Variants in LHFPL5 observed in about 807,000 individuals in gnomAD.
LHFPL5 encodes the protein LHFPL tetraspan subfamily member 5 protein.
In LHFPL5, 12 loss-of-function variants were observed where a neutral mutation model predicts 18.7. The observed-to-expected ratio is 0.64, with a 90% CI of 0.41 to 1.04. LHFPL5 has a LOEUF of 1.04. Ranked by LOEUF, LHFPL5 falls within the 50% of genes least tolerant of loss-of-function variation. The probability of loss-of-function intolerance (pLI) is 0.00; values close to 1 mark genes in which losing one functional copy is unlikely to be tolerated. For missense variants in LHFPL5, 259 were observed against 292.1 expected (o/e 0.89, Z 0.83); for synonymous variants, 111 against 120.2 (o/e 0.92, Z 0.50).
At position 35,819,682 on chromosome 6, in the gene LHFPL5, C is replaced by CT. The variant is rs5875523; in HGVS notation, c.*16+231dup. The CT allele has an allele frequency of 0.024, 12,177 of 497,944 alleles. 98 individuals carry two copies. Among genetic ancestry groups the CT allele is most frequent in the African/African-American group, 0.068 (3,406 of 49,764 alleles). 30.8% of individuals were successfully genotyped at this position (497,944 alleles called of 1,614,324 possible). The stretch of plus-strand genomic sequence containing the variant: ...AGGAAGCCTTTAGTTTTACCTGTGT[C>CT]TTTTTTTTTTTTGAGATGGAATTTC... On this transcript the variant is annotated intron_variant, in intron 3 of 3. Coordinates refer to ENST00000360215, the MANE Select transcript of LHFPL5 (RefSeq NM_182548.4).
intron 1 of LHFPL5, chr6:35,811,407 TAC>T (rs1369340143): frequency 5.9e-5 from 9 of 152,266 alleles, no homozygotes; most frequent in African/African-American, 1.4e-4. Flanking sequence ...TCAGATACTT[TAC>T]AGACAACAGG....
intron 3 of LHFPL5, among the ~76,000 whole-genome samples, chr6:35,822,316 T>C (rs1768881337): frequency 6.6e-6 from 1 of 152,140 alleles, no homozygotes; most frequent in African/African-American, 2.4e-5. Context: ...CAACCACACC[T>C]CTCTGTTTGC....
intron 1 of LHFPL5, among the ~76,000 whole-genome samples, chr6:35,813,023 C>T (rs1037566878): frequency 2.6e-5 from 4 of 151,928 alleles, no homozygotes; most frequent in African/African-American, 9.7e-5. Context: ...CCACTGCACT[C>T]CAGCCTGGGC....
chr6:35,813,012 G>A (rs944258301), intron 1 of LHFPL5, among the ~76,000 whole-genome samples: 39 of 151,946 alleles, frequency 2.6e-4, no homozygotes, highest in African/African-American at 8.9e-4. Context: ...CCGAGATCGT[G>A]CCACTGCACT....
Position 35,807,573 on chromosome 6 carries a change from A to C in LHFPL5, c.412+1491A>C, listed in dbSNP as rs61216879. Reference sequence around the variant, plus strand: ...AAACCATCTCATTGGTCAGAATGAGAAGTGCTGTCATCTTTAAGAGGGAGA... The same window carrying C: ...AAACCATCTCATTGGTCAGAATGAGCAGTGCTGTCATCTTTAAGAGGGAGA... On this transcript the variant is annotated intron_variant, in intron 1 of 3. Transcript: ENST00000360215. Among the ~76,000 whole-genome samples the C allele has an allele frequency of 2.8e-3, 419 of 152,292 alleles. 1 individual carries two copies. The highest frequency in any genetic ancestry group is 9.5e-3 in the African/African-American group (396 of 41,562).
intron 1 of LHFPL5, among the ~76,000 whole-genome samples, chr6:35,811,735 A>G (rs1020693962): frequency 1.3e-5 from 2 of 152,218 alleles, no homozygotes; most frequent in Non-Finnish European, 2.9e-5. Context: ...GGGCCCTGCC[A>G]GGCACTGGAG....
At chr6:35,822,145 T>C (rs888439569) in intron 3 of LHFPL5, among the ~76,000 whole-genome samples, 1 of 152,050 alleles carries the variant, frequency 6.6e-6, no homozygotes, top group African/African-American at 2.4e-5. Context: ...TGCCTTAGCC[T>C]CCCAAAGTGT....
chr6:35,808,605 A>G (rs1383158808), intron 1 of LHFPL5, among the ~76,000 whole-genome samples: 5 of 120,550 alleles, frequency 4.1e-5, no homozygotes, highest in Non-Finnish European at 8.7e-5. Flanking sequence ...ATATATATAT[A>G]TGAACAAAGG....
chr6:35,816,830 A>G (rs1439585417), intron 2 of LHFPL5, among the ~76,000 whole-genome samples: 1 of 149,182 alleles, frequency 6.7e-6, no homozygotes, highest in East Asian at 2.0e-4. Context: ...AAAAAAAAAA[A>G]GGAAATAAAC....
In LHFPL5 at chr6:35,805,468, C is replaced by G; in HGVS notation, c.-203C>G. On this transcript the variant is annotated 5_prime_UTR_variant, in exon 1 of 4. Transcript: ENST00000360215. The surrounding 1 kb of genome is among the most constrained non-coding windows in gnomAD (Gnocchi z 4.3). ...CCTCGGCTAGAGCGGACACAGGCAC[C>G]TGGCAAGCTTTCCTTGACCAAATCA... The G allele has an allele frequency of 1.7e-6, 1 of 602,986 alleles. No homozygotes were observed. Among genetic ancestry groups the G allele is most frequent in the Non-Finnish European group, 3.0e-6 (1 of 337,954 alleles). The allele number at this position is 602,986 out of a possible 1,614,324, so 37.4% of individuals were successfully genotyped here.
At chr6:35,807,016 C>T (rs900398266) in intron 1 of LHFPL5, among the ~76,000 whole-genome samples, 5 of 152,026 alleles carry the variant, frequency 3.3e-5, no homozygotes, top group Admixed American at 6.6e-5. Context: ...TTTGTAGAGA[C>T]GGGGTTTTGT....
Position 35,814,401 on chromosome 6 carries a change from G to A in LHFPL5, c.413-145G>A. 2.6e-6 allele frequency: 2 copies of A among 776,532 alleles called. No homozygotes were observed. Among genetic ancestry groups the A allele is most frequent in the Non-Finnish European group, 4.6e-6 (2 of 430,496 alleles). 48.1% of individuals were successfully genotyped at this position (776,532 alleles called of 1,614,324 possible). On this transcript the variant is annotated intron_variant, in intron 1 of 3. Transcript: ENST00000360215. This position sits in a 1 kb window ranked among gnomAD's most constrained non-coding sequence, Gnocchi z 4.2. ...TTTCTCACCTGTGTTCTGCAAGAAG[G>A]ATGGTAGAGGCTGCCTCTCATGCCT...
At chr6:35,810,882 G>A (rs946269313) in intron 1 of LHFPL5, among the ~76,000 whole-genome samples, 2 of 151,648 alleles carry the variant, frequency 1.3e-5, no homozygotes, top group African/African-American at 4.8e-5. Context: ...CTATATCAGT[G>A]AGCATGAGAA....
chr6:35,823,709 T>C lies in LHFPL5; in HGVS notation c.*744T>C, dbSNP rs1015590679. ...AGGAAGTTTTATGAAGAGTGGGTGA[T>C]AGGATCTAAAATCTCTGCAGACTTT... On this transcript the variant is annotated 3_prime_UTR_variant, in exon 4 of 4. Coordinates refer to ENST00000360215, the MANE Select transcript of LHFPL5 (RefSeq NM_182548.4). The C allele has an allele frequency of 5.3e-5, 8 of 151,348 alleles. No homozygotes were observed. The highest frequency in any genetic ancestry group is 5.3e-4 in the Admixed American group (8 of 15,194). The allele number at this position is 151,348 out of a possible 1,614,324, so 9.4% of individuals were successfully genotyped here.
chr6:35,814,646 C>A lies in LHFPL5; in HGVS notation c.513C>A (p.Gly171=). The A allele has an allele frequency of 6.2e-7, 1 of 1,614,154 alleles. No homozygotes were observed. Among genetic ancestry groups the A allele is most frequent in the Middle Eastern group, 1.6e-4 (1 of 6,062 alleles). ...AGCAGACGGGCAAGTACACGCTGGGCCACTGCACCATCCGCTGGGCCTTCA... is the reference window on the plus strand; with the variant it reads ...AGCAGACGGGCAAGTACACGCTGGGACACTGCACCATCCGCTGGGCCTTCA... The part of the protein sequence containing the change: ...CGEQTGKYTL[G]HCTIRWAFML... Residue 171 remains glycine, a synonymous_variant, in exon 2 of 4, where the codon GGC becomes GGA. Transcript: ENST00000360215. This position sits in a 1 kb window ranked among gnomAD's most constrained non-coding sequence, Gnocchi z 4.2.
At chr6:35,807,278 A>G (rs1768586675) in intron 1 of LHFPL5, among the ~76,000 whole-genome samples, 1 of 148,054 alleles carries the variant, frequency 6.8e-6, no homozygotes, top group African/African-American at 2.5e-5. Context: ...TAATAATAAT[A>G]ATAAATAAAA....
intron 2 of LHFPL5, among the ~76,000 whole-genome samples, chr6:35,818,336 TATATATATATATG>T (rs1277184942): frequency 0.016 from 188 of 11,734 alleles, 8 homozygotes; most frequent in Non-Finnish European, 0.017. Flanking sequence ...TATATATATA[TATATATATATATG>T]TATTTTTTTT....
intron 1 of LHFPL5, among the ~76,000 whole-genome samples, chr6:35,807,336 A>G (rs1460483266): frequency 6.6e-6 from 1 of 152,170 alleles, no homozygotes; most frequent in East Asian, 1.9e-4. Context: ...GCCTTGAGGC[A>G]AAACCTCCCT....
chr6:35,821,449 TTGTGTGTGTGTGTG>T lies in LHFPL5; in HGVS notation c.*17-1501_*17-1488del, dbSNP rs34049571. ...ATAAAAAAGCATTAGAGCATAATCT[TTGTGTGTGTGTGTG>T]TGTGTGTGTGTGTGTGTGTGTGTGT... On this transcript the variant is annotated intron_variant, in intron 3 of 3. Transcript: ENST00000360215. Among the ~76,000 whole-genome samples the T allele has an allele frequency of 3.8e-3, 462 of 120,438 alleles. 2 individuals are homozygous for T. Among genetic ancestry groups the T allele is most frequent in the African/African-American group, 0.013 (435 of 32,354 alleles). 79.0% of individuals were successfully genotyped at this position (120,438 alleles called of 152,430 possible). A position where few individuals can be genotyped will look rare whatever the true frequency, so the allele number is the denominator to read the frequency against.
Sources: gnomAD v4.1 joint callset for allele counts (sites outside exome capture counted in the v4.1 genomes callset) on GRCh38, gnomAD v4.1.1 for gene constraint, Gnocchi (gnomAD v3.1) non-coding constraint, MANE v1.5 for transcripts, NCBI Gene and HGNC (gene_info 2026-07-23, HGNC 2026-07-21) for gene names.